GPATCH3: variants seen among roughly 807,000 people sequenced by gnomAD.
GPATCH3 encodes the protein G patch domain-containing protein 3.
A neutral mutation model predicts 53.2 loss-of-function variants in GPATCH3; 45 were observed. The ratio of observed to expected loss-of-function variants is 0.85; its 90% CI spans 0.67 to 1.08. GPATCH3 has a LOEUF of 1.08. Among genes scored for constraint, GPATCH3 ranks in the 50% least tolerant of loss-of-function variants. GPATCH3 has a pLI of 0.00. For synonymous variants in GPATCH3, 280 were observed against 270.6 expected, an observed-to-expected ratio of 1.03 and a Z score of -0.34; for missense variants, 680 against 687.2, an observed-to-expected ratio of 0.99 and a Z score of 0.12.
intron 2 of GPATCH3, among the ~76,000 whole-genome samples, chr1:26,896,819 G>A (rs1219420131): frequency 6.6e-6 from 1 of 151,930 alleles, no homozygotes; most frequent in Non-Finnish European, 1.5e-5. Context: ...TCAGGAGATT[G>A]AGACCATCCT....
chr1:26,896,535 A>T (rs1338545602), intron 2 of GPATCH3, among the ~76,000 whole-genome samples: 1 of 132,596 alleles, frequency 7.5e-6, no homozygotes, highest in African/African-American at 2.8e-5. Context: ...ACTAAAAATA[A>T]AAAAAAAAAA....
rs2081969622 is a variant in GPATCH3 at position 26,900,249 on chromosome 1, G to A, written c.194C>T (p.Ala65Val). The change falls in exon 1 of 7, where the codon GCC (alanine) becomes GTC (valine). Residue 65 changes from alanine to valine, a missense_variant. Ala to Val is a moderately conservative substitution (Grantham distance 64). Transcript: ENST00000361720. ...AGCGGCTGGGTCGGTAGGAATTAGG[G>A]CAGAGTTAGGAGCGGCCTGCGGAGG... ...RAPPQAAPNSALIPTDPAAEG... is the reference protein window; with the variant it reads ...RAPPQAAPNSVLIPTDPAAEG... The A allele has an allele frequency of 1.2e-6, 2 of 1,614,170 alleles. No homozygotes were observed. Among genetic ancestry groups the A allele is most frequent in the Non-Finnish European group, 8.5e-7 (1 of 1,180,038 alleles).
intron 1 of GPATCH3, among the ~76,000 whole-genome samples, chr1:26,899,181 T>C (rs1333619319): frequency 1.3e-5 from 2 of 152,208 alleles, no homozygotes; most frequent in Admixed American, 6.6e-5. Context: ...TGATAAACAG[T>C]ATAGGCTCTG....
chr1:26,894,036 C>T (rs541499181), intron 3 of GPATCH3, among the ~76,000 whole-genome samples, 200 bp downstream of exon 3: 28 of 147,142 alleles, frequency 1.9e-4, no homozygotes, highest in African/African-American at 5.6e-4. Context: ...TTGTTGGGGG[C>T]GGGGCGGGGG....
At chr1:26,891,759 G>A (rs1050310842) in intron 6 of GPATCH3, among the ~76,000 whole-genome samples, 2 of 150,208 alleles carry the variant, frequency 1.3e-5, no homozygotes, top group African/African-American at 2.5e-5. Flanking sequence ...CCAGGCTAGA[G>A]TGCAGTGGCG....
Position 26,891,172 on chromosome 1 carries a change from A to G in GPATCH3, c.1416T>C (p.Asn472=), listed in dbSNP as rs2081923357. The part of the protein sequence containing the change: ...PFGQLKRPRR[N]GLGLISTIYD... ...AGATGGTGGAGATGAGCCCCAAGCC[A>G]TTTCTACGGGGCCTCTTCAGTTGCC... Residue 472 remains asparagine (N), a synonymous_variant, in exon 7 of 7, where the codon AAT becomes AAC. Transcript: ENST00000361720. 5 of 1,613,828 alleles carry G rather than the reference A, an allele frequency of 3.1e-6. No individual in the cohort carries two copies. The highest frequency in any genetic ancestry group is 4.2e-6 in the Non-Finnish European group (5 of 1,179,956).
Position 26,900,395 on chromosome 1 carries a change from T to C in GPATCH3, c.48A>G (p.Val16=), listed in dbSNP as rs1557662302. The change falls in exon 1 of 7, where the codon GTA becomes GTG. Residue 16 remains valine, a synonymous_variant. Coordinates refer to ENST00000361720, the MANE Select transcript of GPATCH3 (RefSeq NM_022078.3). ...GCAACACGGAGGGGATACCGCTCAC[T>C]ACCAGGTAAACTGTCGCCTCCTCCT... ...EAEEEATVYL[V]VSGIPSVLRS... 6.2e-7 allele frequency: 1 copy of C among 1,613,562 alleles called. No homozygotes were observed. Among genetic ancestry groups the C allele is most frequent in the South Asian group, 1.1e-5 (1 of 91,068 alleles).
At chr1:26,899,264 G>A (rs1023352037) in intron 1 of GPATCH3, among the ~76,000 whole-genome samples, 1 of 152,026 alleles carries the variant, frequency 6.6e-6, no homozygotes, top group African/African-American at 2.4e-5. Flanking sequence ...ACATAACTTC[G>A]GCTTCCCTCA....
At position 26,900,174 on chromosome 1, in the gene GPATCH3, G is replaced by A. The variant is rs2081969145; in HGVS notation, c.269C>T (p.Ser90Phe). Residue 90 changes from serine (S) to phenylalanine (F), a missense_variant, in exon 1 of 7, where the codon TCC becomes TTC. Coordinates refer to ENST00000361720, the MANE Select transcript of GPATCH3 (RefSeq NM_022078.3). Reference sequence around the variant, plus strand: ...CTGGATTGGAGTAGAGTCTCGAGTGGAGAGAGGCCGGACATCGGTGGCCGA... The same window carrying A: ...CTGGATTGGAGTAGAGTCTCGAGTGAAGAGAGGCCGGACATCGGTGGCCGA... ...QTSATDVRPL[S>F]TRDSTPIQTR... is the part of the protein sequence containing the mutation. The A allele has an allele frequency of 6.2e-7, 1 of 1,614,052 alleles. No homozygotes were observed. The highest frequency in any genetic ancestry group is 1.3e-5 in the African/African-American group (1 of 74,920).
chr1:26,899,129 G>A (rs1476361794), intron 1 of GPATCH3, among the ~76,000 whole-genome samples: 1 of 152,164 alleles, frequency 6.6e-6, no homozygotes, highest in Admixed American at 6.5e-5. Flanking sequence ...GATCCATCTA[G>A]GAAGTTAGTT....
Position 26,890,584 on chromosome 1 carries a change from C to T in GPATCH3, c.*426G>A. On this transcript the variant is annotated 3_prime_UTR_variant, in exon 7 of 7. Coordinates refer to ENST00000361720, the MANE Select transcript of GPATCH3 (RefSeq NM_022078.3). The stretch of plus-strand genomic sequence containing the variant: ...CAGTCCCACCCAGTGAGGGTAGAGG[C>T]GGTGGAGGGCCCACCCAAGGCCGGC... 2.7e-6 allele frequency: 1 copy of T among 366,034 alleles called. No homozygotes were observed. Among genetic ancestry groups the T allele is most frequent in the Non-Finnish European group, 5.4e-6 (1 of 186,624 alleles). 22.7% of individuals were successfully genotyped at this position (366,034 alleles called of 1,614,324 possible). A position where few individuals can be genotyped will look rare whatever the true frequency, so the allele number is the denominator to read the frequency against.
rs573306694 is a variant in GPATCH3, at chr1:26,897,190, C to G, written c.876+111G>C. ...CCTTCTTGGACTCCTTGGAACCCTC[C>G]TGAGGACCCCAGGTTAAGAACCCTT... On this transcript the variant is annotated intron_variant, in intron 2 of 6. Coordinates refer to ENST00000361720, the MANE Select transcript of GPATCH3 (RefSeq NM_022078.3). 288 of 1,006,512 alleles carry G rather than the reference C, an allele frequency of 2.9e-4. 1 individual carries two copies. In the African/African-American group the frequency reaches 4.2e-3, roughly 15 times the overall value. 62.3% of individuals were successfully genotyped at this position (1,006,512 alleles called of 1,614,324 possible). A position where few individuals can be genotyped will look rare whatever the true frequency, so the allele number is the denominator to read the frequency against.
At chr1:26,899,519 G>A (rs924634001) in intron 1 of GPATCH3, among the ~76,000 whole-genome samples, 1 of 152,202 alleles carries the variant, frequency 6.6e-6, no homozygotes, top group Non-Finnish European at 1.5e-5. Flanking sequence ...GTCTAGCAAT[G>A]TAAGCATTTG....
chr1:26,891,783 C>G, intron 6 of GPATCH3, among the ~76,000 whole-genome samples: 1 of 152,164 alleles, frequency 6.6e-6, no homozygotes, highest in East Asian at 1.9e-4. Flanking sequence ...TCTTGGCTCA[C>G]TGCAACCTCT....
chr1:26,897,568 CAAAAAGA>C lies in GPATCH3; in HGVS notation c.602_608del (p.Val201GlyfsTer3). ...GTAGGCGGCAGGCCCGGATCAACTC[CAAAAAGA>C]CCCGCAGGGGAGTCCCCACATTCCC... On this transcript the variant is annotated frameshift_variant, in exon 2 of 7. Transcript: ENST00000361720. LOFTEE classifies it high-confidence loss of function. 1 of 1,614,184 alleles carries C rather than the reference CAAAAAGA, an allele frequency of 6.2e-7. No homozygotes were observed. Among genetic ancestry groups the C allele is most frequent in the South Asian group, 1.1e-5 (1 of 91,082 alleles).
In GPATCH3 at chr1:26,899,977, C is replaced by A; in HGVS notation, c.451+15G>T. The A allele has an allele frequency of 6.2e-7, 1 of 1,612,722 alleles. No individual in the cohort carries two copies. The highest frequency in any genetic ancestry group is 8.5e-7 in the Non-Finnish European group (1 of 1,179,132). On this transcript the variant is annotated intron_variant, in intron 1 of 6. Transcript: ENST00000361720. Reference sequence around the variant, plus strand: ...CAGGCCCGTAGGCCCAGTCTATTAACTTTCTCACTCTTACCTGATGCCTCC... The same window carrying A: ...CAGGCCCGTAGGCCCAGTCTATTAAATTTCTCACTCTTACCTGATGCCTCC...
At position 26,894,280 on chromosome 1, in the gene GPATCH3, A is replaced by G; in HGVS notation, c.1007T>C (p.Leu336Pro). Residue 336 changes from leucine to proline, a missense_variant, in exon 3 of 7, where the codon CTG (leucine) becomes CCG (proline). Physicochemically the swap from Leu to Pro is moderately conservative, Grantham distance 98. Coordinates refer to ENST00000361720, the MANE Select transcript of GPATCH3 (RefSeq NM_022078.3). ...ELKWEKGGSGLVFYTDAQFWQ... is the reference protein window; with the variant it reads ...ELKWEKGGSGPVFYTDAQFWQ... ...GAACTGGGCATCAGTATAAAACACC[A>G]GGCCAGAGCCACCCTTCTCCCACTT... 1 of 1,614,072 alleles carries G rather than the reference A, an allele frequency of 6.2e-7. No homozygotes were observed. The highest frequency in any genetic ancestry group is 1.1e-5 in the South Asian group (1 of 91,076).
chr1:26,894,747 A>G (rs1297846810), intron 2 of GPATCH3, among the ~76,000 whole-genome samples: 2 of 152,040 alleles, frequency 1.3e-5, no homozygotes, highest in African/African-American at 4.8e-5. Flanking sequence ...AGCCCCCCAC[A>G]TTTAGGCCCA....
In GPATCH3 at chr1:26,897,354, C is replaced by T. The variant is rs746205141; in HGVS notation, c.823G>A (p.Glu275Lys). Reference protein sequence around the residue: ...LADIPASPCGEPEEEVGKEEE... With the variant: ...LADIPASPCGKPEEEVGKEEE... ...TCCTTCCCCACTTCTTCCTCAGGCTCTCCACAGGGGCTGGCTGGTATATCT... is the reference window on the plus strand; with the variant it reads ...TCCTTCCCCACTTCTTCCTCAGGCTTTCCACAGGGGCTGGCTGGTATATCT... The change falls in exon 2 of 7, where the codon GAG (glutamate) becomes AAG (lysine). Residue 275 changes from glutamate (E) to lysine (K), a missense_variant. Glu to Lys is a moderately conservative substitution (Grantham distance 56). Coordinates refer to ENST00000361720, the MANE Select transcript of GPATCH3 (RefSeq NM_022078.3). 9.9e-6 allele frequency: 16 copies of T among 1,614,208 alleles called. No homozygotes were observed. Among genetic ancestry groups the T allele is most frequent in the Non-Finnish European group, 1.3e-5 (15 of 1,180,042 alleles).
Sources: allele counts gnomAD v4.1 joint callset (sites outside exome capture counted in the v4.1 genomes callset), GRCh38; gene constraint gnomAD v4.1.1; transcripts MANE v1.5; gene names NCBI Gene and HGNC (gene_info 2026-07-23, HGNC 2026-07-21).